ERICH3: variants seen among roughly 807,000 people sequenced by gnomAD.
ERICH3 encodes glutamate-rich protein 3.
In ERICH3, 126 loss-of-function variants were observed where a neutral mutation model predicts 131.1. That is an observed-to-expected ratio of 0.96 (90% CI 0.83 to 1.11). The LOEUF is 1.11. Ranked by LOEUF, ERICH3 falls within the 50% of genes most tolerant of loss-of-function variation. The pLI is 0.00. For missense variants in ERICH3, 2,050 were observed against 1,810.7 expected (o/e 1.13, Z -2.40); for synonymous variants, 695 against 644.6 (o/e 1.08, Z -1.18).
chr1:74,595,132 G>A (rs1647786943), intron 11 of ERICH3, among the ~76,000 whole-genome samples: 1 of 151,958 alleles, frequency 6.6e-6, no homozygotes, highest in Non-Finnish European at 1.5e-5. Context: ...CATGACACAT[G>A]AATTTATATA....
rs1420671718 is a variant in ERICH3, at chr1:74,572,103, C to T, written c.3607G>A (p.Ala1203Thr). 1 of 1,614,226 alleles carries T rather than the reference C, an allele frequency of 6.2e-7. No homozygotes were observed. Among genetic ancestry groups the T allele is most frequent in the Non-Finnish European group, 8.5e-7 (1 of 1,180,040 alleles). ...REELSSRENR[A>T]LKEGHRQDGE... Reference sequence around the variant, plus strand: ...TCTTGGCGGTGCCCTTCCTTCAGGGCCCTATTCTCCCTGCTGGACAGCTCT... The same window carrying T: ...TCTTGGCGGTGCCCTTCCTTCAGGGTCCTATTCTCCCTGCTGGACAGCTCT... The change falls in exon 14 of 15, where the codon GCC becomes ACC. Residue 1203 changes from alanine (A) to threonine (T), a missense_variant. Physicochemically the swap from Ala to Thr is moderately conservative, Grantham distance 58. Coordinates refer to ENST00000326665, the MANE Select transcript of ERICH3 (RefSeq NM_001002912.5).
At chr1:74,651,013 T>C (rs888093830) in intron 1 of ERICH3, among the ~76,000 whole-genome samples, 1 of 151,796 alleles carries the variant, frequency 6.6e-6, no homozygotes, top group Non-Finnish European at 1.5e-5. Context: ...CGCAAAGCTG[T>C]CTTTAAAAAA....
chr1:74,671,699 G>T (rs558832474), intron 1 of ERICH3, among the ~76,000 whole-genome samples: 1 of 152,296 alleles, frequency 6.6e-6, no homozygotes, highest in East Asian at 1.9e-4. Context: ...TAAAACACTA[G>T]AATGGAGCCT....
intron 7 of ERICH3, among the ~76,000 whole-genome samples, chr1:74,629,834 T>G (rs985012481): frequency 2.6e-5 from 4 of 152,180 alleles, no homozygotes; most frequent in Non-Finnish European, 5.9e-5. Context: ...TTCTGAAGTT[T>G]TATGCATATA....
chr1:74,581,745 G>A (rs912202898), intron 12 of ERICH3, among the ~76,000 whole-genome samples: 4 of 152,098 alleles, frequency 2.6e-5, no homozygotes, highest in Non-Finnish European at 5.9e-5. Context: ...AAGGACTGAT[G>A]TTTATATTTA....
chr1:74,668,263 T>G (rs1436023868), intron 1 of ERICH3, among the ~76,000 whole-genome samples: 2 of 152,204 alleles, frequency 1.3e-5, no homozygotes, highest in Admixed American at 6.5e-5. Context: ...TCATGTTGAT[T>G]TCCACCTACT....
chr1:74,603,683 A>G (rs1648254536), intron 10 of ERICH3, among the ~76,000 whole-genome samples: 1 of 151,942 alleles, frequency 6.6e-6, no homozygotes, highest in South Asian at 2.1e-4. Flanking sequence ...TTGGTTTCCC[A>G]GTGCATCCAA....
At chr1:74,623,652 C>T (rs1649313448) in intron 7 of ERICH3, 1 of 152,092 alleles carries the variant, frequency 6.6e-6, no homozygotes, top group Non-Finnish European at 1.5e-5. Context: ...ATTAGTCTCC[C>T]CACTTCTAGT....
intron 1 of ERICH3, among the ~76,000 whole-genome samples, chr1:74,663,638 AAAAG>A (rs1202389011): frequency 1.3e-5 from 2 of 151,862 alleles, no homozygotes; most frequent in Non-Finnish European, 2.9e-5. Flanking sequence ...AAAAAAAAAA[AAAAG>A]AAGTCTTCTT....
chr1:74,588,027 A>C (rs751404778), intron 12 of ERICH3, among the ~76,000 whole-genome samples: 1 of 152,158 alleles, frequency 6.6e-6, no homozygotes, highest in Non-Finnish European at 1.5e-5. Context: ...CTTGGCTTGC[A>C]GGCTATTTAG....
intron 1 of ERICH3, among the ~76,000 whole-genome samples, chr1:74,656,491 C>A (rs1025182466): frequency 6.6e-6 from 1 of 152,142 alleles, no homozygotes; most frequent in Admixed American, 6.5e-5. Flanking sequence ...TCCCATGAGC[C>A]CTTGCCCTCG....
At chr1:74,587,925 T>C (rs891819630) in intron 12 of ERICH3, among the ~76,000 whole-genome samples, 6 of 152,238 alleles carry the variant, frequency 3.9e-5, no homozygotes, top group Non-Finnish European at 8.8e-5. Flanking sequence ...TGCATTTTTA[T>C]TCTAGGGCAG....
intron 7 of ERICH3, among the ~76,000 whole-genome samples, chr1:74,629,595 C>T (rs1649525368): frequency 6.6e-6 from 1 of 152,164 alleles, no homozygotes; most frequent in African/African-American, 2.4e-5. Context: ...TGCCCAGCTA[C>T]AGAAGCCCAT....
intron 1 of ERICH3, among the ~76,000 whole-genome samples, chr1:74,653,765 T>C (rs1226932016): frequency 2.0e-5 from 3 of 152,154 alleles, no homozygotes; most frequent in African/African-American, 7.2e-5. Flanking sequence ...ACATTGATAA[T>C]GTTATTTCTT....
chr1:74,590,087 A>T lies in ERICH3; in HGVS notation c.1727-7T>A. On this transcript the variant is annotated splice_polypyrimidine_tract_variant and splice_region_variant and intron_variant, in intron 11 of 14. Coordinates refer to ENST00000326665, the MANE Select transcript of ERICH3 (RefSeq NM_001002912.5). ...GATGAAGCAGTTTTCATATCTACAA[A>T]AAATAAAAGTGATGACATTGTTGTT... The T allele has an allele frequency of 6.4e-7, 1 of 1,562,204 alleles. No individual in the cohort carries two copies. Among genetic ancestry groups the T allele is most frequent in the Non-Finnish European group, 8.7e-7 (1 of 1,151,206 alleles).
Position 74,631,738 on chromosome 1 carries a change from T to C in ERICH3, c.794A>G (p.Asn265Ser). ...RRRFRPTTAP[N>S]GLEPLLTKDS... is the part of the protein sequence containing the mutation. Reference sequence around the variant, plus strand: ...CTTTGTCAAAAGAGGTTCTAAGCCATTTGGAGCAGTGGTTGGACGAAATCT... The same window carrying C: ...CTTTGTCAAAAGAGGTTCTAAGCCACTTGGAGCAGTGGTTGGACGAAATCT... Residue 265 changes from asparagine (N) to serine (S), a missense_variant, in exon 7 of 15, where the codon AAT becomes AGT. Coordinates refer to ENST00000326665, the MANE Select transcript of ERICH3 (RefSeq NM_001002912.5). The C allele has an allele frequency of 1.2e-6, 2 of 1,613,098 alleles. No homozygotes were observed. The highest frequency in any genetic ancestry group is 1.1e-5 in the South Asian group (1 of 91,056).
chr1:74,588,710 A>G (rs1226049402), intron 12 of ERICH3, among the ~76,000 whole-genome samples: 1 of 152,112 alleles, frequency 6.6e-6, no homozygotes, highest in Non-Finnish European at 1.5e-5. Context: ...GTGAGAGGCA[A>G]GCATCGGGCA....
At chr1:74,658,072 T>C (rs894682725) in intron 1 of ERICH3, among the ~76,000 whole-genome samples, 1 of 152,178 alleles carries the variant, frequency 6.6e-6, no homozygotes, top group African/African-American at 2.4e-5. Flanking sequence ...ATTAGTATTA[T>C]CTTCCCTCTT....
intron 11 of ERICH3, among the ~76,000 whole-genome samples, chr1:74,596,122 T>C (rs560750204): frequency 2.0e-5 from 3 of 152,124 alleles, no homozygotes; most frequent in Non-Finnish European, 4.4e-5. Context: ...ATTCTGGGAC[T>C]TTAAAAGTTT....
Sources: gnomAD v4.1 joint callset for allele counts (sites outside exome capture counted in the v4.1 genomes callset) on GRCh38, gnomAD v4.1.1 for gene constraint, MANE v1.5 for transcripts, NCBI Gene and HGNC (gene_info 2026-07-23, HGNC 2026-07-21) for gene names.